LINGO2: variants seen among roughly 807,000 people sequenced by gnomAD.
LINGO2 encodes the protein leucine-rich repeat and immunoglobulin-like domain-containing nogo receptor-interacting protein 2.
LINGO2 carries 14 observed loss-of-function variants against 30.6 expected under a neutral mutation model. The ratio of observed to expected loss-of-function variants is 0.46; its 90% confidence interval spans 0.30 to 0.72. The LOEUF is 0.72. LINGO2 is among the 30% of genes least tolerant of loss of function. The pLI, the probability that LINGO2 is intolerant of heterozygous loss-of-function variation, is 0.07. For missense variants in LINGO2, 729 were observed against 751.7 expected (o/e 0.97, Z 0.35); for synonymous variants, 317 against 288.5 (o/e 1.10, Z -1.00).
the LINGO2 span, chr9:27,941,990 T>C: frequency 1.3e-5 from 2 of 152,324 alleles, no homozygotes; most frequent in African/African-American, 4.8e-5. Context: ...AAATAGATCT[T>C]ACGCCTTAAG....
the LINGO2 span, among the ~76,000 whole-genome samples, chr9:29,126,331 A>C: frequency 0.19 from 28,594 of 152,020 alleles, 2,852 homozygotes; most frequent in East Asian, 0.34. Context: ...TAGCCTTCCT[A>C]GATCTGAGTT....
At chr9:28,844,527 T>C in the LINGO2 span, among the ~76,000 whole-genome samples, 1 of 151,892 alleles carries the variant, frequency 6.6e-6, no homozygotes, top group Non-Finnish European at 1.5e-5. Flanking sequence ...GTCTTTAAAA[T>C]ACTAACTTTA....
intron 4 of LINGO2, among the ~76,000 whole-genome samples, chr9:28,047,102 C>A (rs1824457536): frequency 6.6e-6 from 1 of 152,074 alleles, no homozygotes; most frequent in Admixed American, 6.6e-5. Context: ...ATTAAGAGAG[C>A]AATCAGTGGC....
chr9:28,757,488 A>T, the LINGO2 span, among the ~76,000 whole-genome samples: 8 of 151,986 alleles, frequency 5.3e-5, no homozygotes, highest in Admixed American at 1.3e-4. Context: ...TGGTAACTTG[A>T]CCCCCCTAAG....
intron 4 of LINGO2, among the ~76,000 whole-genome samples, chr9:28,104,266 G>GTTTTTTTTTTTTTTTTT (rs74180789): frequency 4.1e-5 from 4 of 97,470 alleles, no homozygotes; most frequent in Non-Finnish European, 7.6e-5. Flanking sequence ...TTTTTTGTTT[G>GTTTTTTTTTTTTTTTTT]TTTTTTTTTT....
chr9:28,598,436 A>AAACAAAC (rs772556380), intron 1 of LINGO2, among the ~76,000 whole-genome samples: 1 of 127,974 alleles, frequency 7.8e-6, no homozygotes, highest in African/African-American at 3.0e-5. Context: ...AAAAAAAAAC[A>AAACAAAC]AAACAAACAA....
chr9:28,303,144 G>A (rs1449712281), intron 3 of LINGO2, among the ~76,000 whole-genome samples: 1 of 152,018 alleles, frequency 6.6e-6, no homozygotes, highest in Non-Finnish European at 1.5e-5. Context: ...CCAATATCAG[G>A]TATATACAGA....
the LINGO2 span, among the ~76,000 whole-genome samples, chr9:29,136,434 A>G: frequency 6.6e-6 from 1 of 152,158 alleles, no homozygotes; most frequent in Non-Finnish European, 1.5e-5. Flanking sequence ...CTCTGTATCT[A>G]TCACTCCTCA....
intron 4 of LINGO2, among the ~76,000 whole-genome samples, chr9:28,267,565 G>T (rs569678220): frequency 6.6e-6 from 1 of 151,998 alleles, no homozygotes; most frequent in African/African-American, 2.4e-5. Context: ...TCATTCTGTG[G>T]TTTTCCACTT....
At chr9:29,119,839 C>T in the LINGO2 span, among the ~76,000 whole-genome samples, 1 of 151,914 alleles carries the variant, frequency 6.6e-6, no homozygotes, top group African/African-American at 2.4e-5. Context: ...CTCAGGTGAT[C>T]CCCCCACCTT....
chr9:29,213,471 T>C, the LINGO2 span, among the ~76,000 whole-genome samples: 1 of 152,112 alleles, frequency 6.6e-6, no homozygotes, highest in South Asian at 2.1e-4. Context: ...GCAGCGCCGG[T>C]GCGGGGCTGG....
chr9:28,238,206 A>G (rs1352819302), intron 4 of LINGO2, among the ~76,000 whole-genome samples: 1 of 152,216 alleles, frequency 6.6e-6, no homozygotes, highest in Non-Finnish European at 1.5e-5. Flanking sequence ...TCAACACCCC[A>G]CTTTAAACAT....
intron 2 of LINGO2, among the ~76,000 whole-genome samples, chr9:28,380,403 T>TTTCTC (rs1554713845): frequency 6.6e-6 from 1 of 150,480 alleles, no homozygotes; most frequent in Admixed American, 6.7e-5. Context: ...TTTTTTTTTT[T>TTTCTC]CCAATGGTAA....
the LINGO2 span, among the ~76,000 whole-genome samples, chr9:28,842,670 G>A: frequency 5.9e-5 from 9 of 151,836 alleles, no homozygotes; most frequent in Non-Finnish European, 1.0e-4. Flanking sequence ...TTTTGGGATA[G>A]TCACAGGCCC....
At chr9:27,959,174 G>T (rs7027058) in intron 5 of LINGO2, among the ~76,000 whole-genome samples, 27,518 of 151,946 alleles carry the variant, frequency 0.18, 6,200 homozygotes, top group African/African-American at 0.52. Context: ...TTTCTCTTGA[G>T]AAATCTAGAA....
At chr9:29,089,551 C>T in the LINGO2 span, among the ~76,000 whole-genome samples, 2 of 152,100 alleles carry the variant, frequency 1.3e-5, no homozygotes, top group East Asian at 3.9e-4. Context: ...AAATAAACTC[C>T]AAAGTTTATA....
At chr9:28,150,827 G>A (rs187178957) in intron 4 of LINGO2, among the ~76,000 whole-genome samples, 13 of 152,308 alleles carry the variant, frequency 8.5e-5, no homozygotes, top group South Asian at 2.1e-4. Flanking sequence ...CCACTGCTCC[G>A]TGGCGGTCGC....
At chr9:28,275,194 G>A (rs554702454) in intron 4 of LINGO2, among the ~76,000 whole-genome samples, 2 of 151,868 alleles carry the variant, frequency 1.3e-5, no homozygotes, top group African/African-American at 4.8e-5. Context: ...TCAGCCTCCC[G>A]AGTAGCTGGG....
chr9:29,054,757 AAGCATGT>A, the LINGO2 span, among the ~76,000 whole-genome samples: 1 of 152,230 alleles, frequency 6.6e-6, no homozygotes. Context: ...ACATACAAGC[AAGCATGT>A]AATACAAACA....
Sources: gnomAD v4.1 joint callset for allele counts (sites outside exome capture counted in the v4.1 genomes callset) on GRCh38, gnomAD v4.1.1 for gene constraint, MANE v1.5 for transcripts, NCBI Gene and HGNC (gene_info 2026-07-23, HGNC 2026-07-21) for gene names.